The following ATP10B variants were observed in gnomAD, a reference collection of about 807,000 sequenced individuals.
ATP10B encodes ATPase phospholipid transporting 10B (putative).
Under a neutral mutation model 141.2 loss-of-function variants are expected in ATP10B, and 122 were observed. That is an observed-to-expected ratio of 0.86 (90% confidence interval 0.75 to 1.00). The LOEUF (loss-of-function observed/expected upper bound fraction) is 1.00. ATP10B is among the 50% of genes least tolerant of loss of function. The pLI is 0.00. For missense variants in ATP10B, 1,876 were observed against 1,825.3 expected (o/e 1.03, Z -0.51); for synonymous variants, 685 against 692.0 (o/e 0.99, Z 0.16).
At chr5:160,769,571 C>T (rs1451740388) in intron 2 of ATP10B, among the ~76,000 whole-genome samples, 2 of 150,138 alleles carry the variant, frequency 1.3e-5, no homozygotes, top group African/African-American at 2.5e-5. Context: ...AAGTGCTCTT[C>T]CCTAGGTACT....
At chr5:160,771,201 C>T (rs528137258) in intron 2 of ATP10B, among the ~76,000 whole-genome samples, 116 of 152,316 alleles carry the variant, frequency 7.6e-4, no homozygotes, top group African/African-American at 2.7e-3. Context: ...TATCCTTAAA[C>T]TCTCATATCA....
At chr5:160,790,911 C>T (rs6862835) in intron 1 of ATP10B, among the ~76,000 whole-genome samples, 11,452 of 152,088 alleles carry the variant, frequency 0.075, 597 homozygotes, top group East Asian at 0.13. Context: ...CAGGCAGAAG[C>T]GCTGATGAGT....
intron 2 of ATP10B, among the ~76,000 whole-genome samples, chr5:160,773,180 A>G (rs1336342219): frequency 2.6e-5 from 4 of 152,186 alleles, no homozygotes; most frequent in African/African-American, 7.2e-5. Flanking sequence ...TCTGGTTGCT[A>G]AGAATCACCT....
At chr5:160,653,219 A>C (rs1761045084) in intron 7 of ATP10B, among the ~76,000 whole-genome samples, 1 of 136,800 alleles carries the variant, frequency 7.3e-6, no homozygotes, top group South Asian at 2.2e-4. Flanking sequence ...TATATCATAT[A>C]TACATACAAA....
At chr5:160,698,623 G>C (rs1227617925) in intron 3 of ATP10B, among the ~76,000 whole-genome samples, 1 of 152,114 alleles carries the variant, frequency 6.6e-6, no homozygotes, top group Admixed American at 6.6e-5. Flanking sequence ...AGGGTACAAG[G>C]TGAAGTGCAG....
intron 17 of ATP10B, among the ~76,000 whole-genome samples, chr5:160,615,200 AC>A (rs1757929018): frequency 6.6e-6 from 1 of 151,838 alleles, no homozygotes; most frequent in South Asian, 2.1e-4. Flanking sequence ...GGTCCTGCTG[AC>A]CTTTCCTGCC....
chr5:160,780,410 T>C (rs1770637964), intron 2 of ATP10B, among the ~76,000 whole-genome samples: 1 of 152,196 alleles, frequency 6.6e-6, no homozygotes, highest in Non-Finnish European at 1.5e-5. Flanking sequence ...TAACAATGCA[T>C]TTGTTTCAGA....
At chr5:160,905,984 G>C in the ATP10B span, among the ~76,000 whole-genome samples, 1 of 152,038 alleles carries the variant, frequency 6.6e-6, no homozygotes, top group Non-Finnish European at 1.5e-5. Flanking sequence ...AATTTCCAGA[G>C]ACCTGCCAAT....
chr5:160,745,491 C>T (rs1448043938), intron 2 of ATP10B, among the ~76,000 whole-genome samples: 1 of 152,218 alleles, frequency 6.6e-6, no homozygotes, highest in Non-Finnish European at 1.5e-5. Flanking sequence ...TGCAATCCTC[C>T]AGGCATTTGC....
In ATP10B at chr5:160,653,554, A is replaced by ATACATATATAT. The variant is rs1406182467; in HGVS notation, c.676-4309_676-4299dup. On this transcript the variant is annotated intron_variant, in intron 7 of 25. Transcript: ENST00000327245. ...ATATTACATATACATACATACATAT[A>ATACATATATAT]TACATATATATTACATATACATATA... is the stretch of plus-strand genomic sequence containing the variant. 2.3e-5 allele frequency among the ~76,000 whole-genome samples: 3 copies of ATACATATATAT among 132,540 alleles called. No homozygotes were observed. The East Asian group carries it at 6.5e-4, about 29-fold the overall frequency. 87.0% of individuals were successfully genotyped at this position (132,540 alleles called of 152,430 possible). A position where few individuals can be genotyped will look rare whatever the true frequency, so the allele number is the denominator to read the frequency against.
chr5:160,601,733 C>G (rs1757109454), intron 21 of ATP10B, among the ~76,000 whole-genome samples: 1 of 152,208 alleles, frequency 6.6e-6, no homozygotes, highest in Admixed American at 6.5e-5. Context: ...ATTAATTAAT[C>G]TCTGTGAGCT....
chr5:160,736,311 G>C (rs186793067), intron 2 of ATP10B, among the ~76,000 whole-genome samples: 1 of 152,148 alleles, frequency 6.6e-6, no homozygotes, highest in Non-Finnish European at 1.5e-5. Flanking sequence ...TCAAAGGATC[G>C]TTAGTGGCTG....
chr5:160,905,729 T>TAA, the ATP10B span, among the ~76,000 whole-genome samples: 1,696 of 151,322 alleles, frequency 0.011, 38 homozygotes, highest in African/African-American at 0.038. Context: ...TATAATGTGT[T>TAA]AAAAAAAAAT....
intron 2 of ATP10B, among the ~76,000 whole-genome samples, chr5:160,734,324 G>A (rs1020550506): frequency 6.6e-6 from 1 of 151,890 alleles, no homozygotes; most frequent in African/African-American, 2.4e-5. Context: ...CTATATAAAT[G>A]TAAAAGAGAC....
chr5:160,723,951 C>CA (rs1766153645), intron 2 of ATP10B, among the ~76,000 whole-genome samples: 1 of 152,000 alleles, frequency 6.6e-6, no homozygotes, highest in Non-Finnish European at 1.5e-5. Context: ...TGTGCAGCCA[C>CA]AAAAAAGAAT....
chr5:160,754,459 A>C (rs1248272225), intron 2 of ATP10B, among the ~76,000 whole-genome samples: 1 of 152,316 alleles, frequency 6.6e-6, no homozygotes, highest in African/African-American at 2.4e-5. Context: ...ATGTGAAATG[A>C]GACTCAAGGA....
intron 1 of ATP10B, among the ~76,000 whole-genome samples, chr5:160,804,446 T>C (rs1772631643): frequency 6.6e-6 from 1 of 152,222 alleles, no homozygotes; most frequent in African/African-American, 2.4e-5. Flanking sequence ...GCTCCTGTGC[T>C]AGGATCTTCA....
intron 2 of ATP10B, among the ~76,000 whole-genome samples, chr5:160,774,599 A>G (rs774654843): frequency 3.3e-5 from 5 of 152,154 alleles, no homozygotes; most frequent in Non-Finnish European, 7.4e-5. Context: ...ACCATTCTTT[A>G]TATTTTCCTG....
At position 160,839,896 on chromosome 5, in the gene ATP10B, A is replaced by C. The variant is rs188012215; in HGVS notation, c.-576+12045T>G. 4.0e-3 allele frequency among the ~76,000 whole-genome samples: 605 copies of C among 152,220 alleles called. 4 individuals are homozygous for C. Among genetic ancestry groups the C allele is most frequent in the African/African-American group, 0.014 (571 of 41,562 alleles). On this transcript the variant is annotated intron_variant, in intron 1 of 25. Coordinates refer to ENST00000327245, the MANE Select transcript of ATP10B (RefSeq NM_025153.3). ...AACAGGAGGCAAAAGATATTTTATA[A>C]TGCTAAAAACCACATTATAGAATGA...
Sources: gnomAD v4.1 joint callset for allele counts (sites outside exome capture counted in the v4.1 genomes callset) on GRCh38, gnomAD v4.1.1 for gene constraint, MANE v1.5 for transcripts, NCBI Gene and HGNC (gene_info 2026-07-23, HGNC 2026-07-21) for gene names.